The following RYR2 variants were observed in gnomAD, a reference collection of about 807,000 sequenced individuals.
RYR2 encodes cardiac muscle ryanodine receptor-calcium release channel.
A neutral mutation model predicts 601.1 loss-of-function variants in RYR2; 227 were observed. The ratio of observed to expected loss-of-function variants is 0.38; its 90% CI spans 0.34 to 0.42. The LOEUF is 0.42. RYR2 is among the 10% of genes least tolerant of loss of function. The probability of loss-of-function intolerance (pLI) is 1.00; values close to 1 mark genes in which losing one functional copy is unlikely to be tolerated. For missense variants in RYR2, 4,646 were observed against 6,156.5 expected (o/e 0.75, Z 8.21); for synonymous variants, 2,223 against 2,175.1 (o/e 1.02, Z -0.61).
intron 5 of RYR2, among the ~76,000 whole-genome samples, chr1:237,368,813 T>C (rs1700409001): frequency 6.6e-6 from 1 of 150,802 alleles, no homozygotes; most frequent in Admixed American, 6.6e-5. Flanking sequence ...ATTTATTTAT[T>C]TATTTATTTA....
intron 1 of RYR2, among the ~76,000 whole-genome samples, chr1:237,127,316 G>A (rs1178975026): frequency 2.0e-5 from 3 of 151,762 alleles, no homozygotes; most frequent in Non-Finnish European, 4.4e-5. Context: ...TCCCAGACAG[G>A]GTGGTGGCCG....
Position 237,708,803 on chromosome 1 carries a change from A to G in RYR2, c.9902-55A>G, listed in dbSNP as rs202055874. On this transcript the variant is annotated intron_variant, in intron 68 of 104. Transcript: ENST00000366574. ...GTTACAATTGTAATTACAATCTATC[A>G]TCATGTTAATGAATGGTTTTACAGA... is the stretch of plus-strand genomic sequence containing the variant. 8.4e-4 allele frequency: 1,242 copies of G among 1,472,938 alleles called. 1 individual carries two copies. Among genetic ancestry groups the G allele is most frequent in the Non-Finnish European group, 1.1e-3 (1,170 of 1,069,304 alleles). 91.2% of individuals were successfully genotyped at this position (1,472,938 alleles called of 1,614,324 possible).
chr1:237,276,108 A>T (rs1375187476), intron 2 of RYR2, among the ~76,000 whole-genome samples: 10 of 151,292 alleles, frequency 6.6e-5, no homozygotes, highest in Non-Finnish European at 1.2e-4. Flanking sequence ...ATTTTATTTT[A>T]TTTTTTTTTG....
At chr1:237,549,471 G>T (rs779881781) in intron 26 of RYR2, among the ~76,000 whole-genome samples, 1 of 151,938 alleles carries the variant, frequency 6.6e-6, no homozygotes. Flanking sequence ...CTACTCAGGG[G>T]GCTGAGGTGG....
chr1:237,254,502 C>T (rs1199997607), intron 1 of RYR2, among the ~76,000 whole-genome samples: 1 of 152,130 alleles, frequency 6.6e-6, no homozygotes, highest in African/African-American at 2.4e-5. Context: ...AATAATCGTA[C>T]ACAGTGGTTT....
At chr1:237,217,298 T>C (rs1053341880) in intron 1 of RYR2, among the ~76,000 whole-genome samples, 1 of 151,972 alleles carries the variant, frequency 6.6e-6, no homozygotes, top group Admixed American at 6.6e-5. Flanking sequence ...TGTTGATCTA[T>C]GCACCTTCTT....
At chr1:237,446,092 G>C (rs895865454) in intron 14 of RYR2, among the ~76,000 whole-genome samples, 2 of 152,174 alleles carry the variant, frequency 1.3e-5, no homozygotes, top group African/African-American at 4.8e-5. Context: ...TGGGATTACA[G>C]GTGTGAGCCA....
chr1:237,575,727 T>G (rs924621640), intron 29 of RYR2, among the ~76,000 whole-genome samples: 9 of 152,226 alleles, frequency 5.9e-5, no homozygotes, highest in African/African-American at 2.2e-4. Flanking sequence ...AACCTTTCAG[T>G]ACTTTAGCAA....
Position 237,756,370 on chromosome 1 carries a change from C to T in RYR2, c.11228C>T (p.Thr3743Ile). The T allele has an allele frequency of 6.2e-7, 1 of 1,611,380 alleles. No homozygotes were observed. Among genetic ancestry groups the T allele is most frequent in the Non-Finnish European group, 8.5e-7 (1 of 1,178,076 alleles). The change falls in exon 81 of 105, where the codon ACA (threonine) becomes ATA (isoleucine). Residue 3743 changes from threonine (T) to isoleucine (I), a missense_variant. Physicochemically the swap from Thr to Ile is moderately conservative, Grantham distance 89 (BLOSUM62 -1). Around this residue, in one of 17 missense-constraint regions of RYR2, gnomAD observed 1,497 missense variants for 1,842.6 expected, o/e 0.81. Coordinates refer to ENST00000366574, the MANE Select transcript of RYR2 (RefSeq NM_001035.3). ...GGCGCGGCTGAGATGGTGCTACAGA[C>T]AATCAGTGCCAGCAAAGGTAAGGTT... ...DRGAAEMVLQ[T>I]ISASKGETGP... is the part of the protein sequence containing the mutation.
intron 16 of RYR2, 121 bp downstream of exon 16, chr1:237,456,856 C>A: frequency 9.3e-7 from 1 of 1,076,890 alleles, no homozygotes; most frequent in Non-Finnish European, 1.3e-6. Flanking sequence ...GTGGGAGGAT[C>A]ATTTGAGGCC....
intron 3 of RYR2, among the ~76,000 whole-genome samples, chr1:237,355,546 T>C (rs1253838860): frequency 2.0e-5 from 3 of 152,176 alleles, no homozygotes; most frequent in African/African-American, 2.4e-5. Context: ...TTACTTTAAG[T>C]GTCATGAGAG....
In RYR2 at chr1:237,090,205, A is replaced by G. The variant is rs1254748493; in HGVS notation, c.48+47636A>G. Among the ~76,000 whole-genome samples, 4 of 152,288 alleles carry G rather than the reference A, an allele frequency of 2.6e-5. No homozygotes were observed. In the South Asian group the frequency reaches 8.3e-4, roughly 32 times the overall value. ...CTATGTGGGGATTATGGGAACTACA[A>G]TTCAAGGTGAGATTTGGGTGGGGAC... On this transcript the variant is annotated intron_variant, in intron 1 of 104. Transcript: ENST00000366574.
At chr1:237,821,951 T>C (rs567745747) in intron 101 of RYR2, among the ~76,000 whole-genome samples, 1 of 151,264 alleles carries the variant, frequency 6.6e-6, no homozygotes, top group Non-Finnish European at 1.5e-5. Flanking sequence ...CTCAATGAAA[T>C]AAGGTGAGAA....
intron 101 of RYR2, among the ~76,000 whole-genome samples, chr1:237,824,616 CACAAG>C (rs1369206227): frequency 6.6e-6 from 1 of 152,116 alleles, no homozygotes; most frequent in African/African-American, 2.4e-5. Context: ...TGAAAACTGG[CACAAG>C]ACAAGAATGC....
chr1:237,521,612 C>T (rs556971565), intron 24 of RYR2, among the ~76,000 whole-genome samples: 26 of 151,518 alleles, frequency 1.7e-4, no homozygotes, highest in African/African-American at 2.4e-4. Flanking sequence ...CCCAGCTGCT[C>T]GGGAGGCTGA....
intron 1 of RYR2, among the ~76,000 whole-genome samples, chr1:237,184,534 G>C (rs1679132905): frequency 1.3e-5 from 2 of 152,108 alleles, no homozygotes; most frequent in Non-Finnish European, 2.9e-5. Flanking sequence ...TAAATAATAG[G>C]CACAGTTGCA....
At chr1:237,679,490 C>A (rs1256955974) in intron 61 of RYR2, among the ~76,000 whole-genome samples, 1 of 152,110 alleles carries the variant, frequency 6.6e-6, no homozygotes, top group Non-Finnish European at 1.5e-5. Context: ...AGTTTGAATA[C>A]TGGTAGTGCC....
intron 2 of RYR2, among the ~76,000 whole-genome samples, chr1:237,310,379 C>T (rs1303440584): frequency 2.6e-5 from 4 of 152,190 alleles, no homozygotes; most frequent in African/African-American, 9.7e-5. Flanking sequence ...CTGAGTCATG[C>T]AAGAAGCTGC....
intron 25 of RYR2, among the ~76,000 whole-genome samples, chr1:237,535,568 A>T (rs1296730616): frequency 6.6e-6 from 1 of 152,072 alleles, no homozygotes; most frequent in African/African-American, 2.4e-5. Flanking sequence ...TCTCACATAA[A>T]GAGGAAGAAA....
Sources: gnomAD v4.1 joint callset for allele counts (sites outside exome capture counted in the v4.1 genomes callset) on GRCh38, gnomAD v4.1.1 for gene constraint, gnomAD v4.1.1 regional missense constraint, MANE v1.5 for transcripts, NCBI Gene and HGNC (gene_info 2026-07-23, HGNC 2026-07-21) for gene names.